The following SUPV3L1 variants were observed in gnomAD, a reference collection of about 807,000 sequenced individuals.
SUPV3L1 encodes Suv3 like RNA helicase.
In SUPV3L1, 35 loss-of-function variants were observed where a neutral mutation model predicts 70.0. The ratio of observed to expected loss-of-function variants is 0.50; its 90% confidence interval spans 0.38 to 0.66. SUPV3L1 has a LOEUF of 0.66. SUPV3L1 is among the 30% of genes least tolerant of loss of function. The pLI, the probability that SUPV3L1 is intolerant of heterozygous loss-of-function variation, is 0.00. For synonymous variants in SUPV3L1, 364 were observed against 341.9 expected (o/e 1.06, Z -0.71); for missense variants, 777 against 961.5 (o/e 0.81, Z 2.54).
chr10:69,205,731 C>T (rs1351650322), intron 13 of SUPV3L1, among the ~76,000 whole-genome samples: 2 of 152,204 alleles, frequency 1.3e-5, no homozygotes, highest in African/African-American at 2.4e-5. Context: ...GATGGGGTTT[C>T]ACCATGTTGG....
In SUPV3L1 at chr10:69,188,688, G is replaced by A. The variant is rs781763036; in HGVS notation, c.573-579G>A. 3.3e-5 allele frequency among the ~76,000 whole-genome samples: 5 copies of A among 151,990 alleles called. No individual in the cohort carries two copies. In the South Asian group the frequency reaches 1.0e-3, roughly 32 times the overall value. Reference sequence around the variant, plus strand: ...TAATTTTTGTATTTTTAATAGATACGGGGGCTCACCATGTTGGCCAGGCTG... The same window carrying A: ...TAATTTTTGTATTTTTAATAGATACAGGGGCTCACCATGTTGGCCAGGCTG... On this transcript the variant is annotated intron_variant, in intron 4 of 14. Transcript: ENST00000359655.
At chr10:69,180,595 G>C (rs755624757) in intron 1 of SUPV3L1, 33 bp downstream of exon 1, 2 of 1,608,452 alleles carry the variant, frequency 1.2e-6, no homozygotes, top group Non-Finnish European at 1.7e-6. Flanking sequence ...GCGGCAGAGG[G>C]TGGTGTCTGC....
chr10:69,207,535 C>T (rs893422560), intron 13 of SUPV3L1, among the ~76,000 whole-genome samples: 2 of 151,952 alleles, frequency 1.3e-5, no homozygotes, highest in Non-Finnish European at 2.9e-5. Context: ...CAGCTGGTCT[C>T]GAACTCCTGG....
chr10:69,190,944 C>A (rs879767032), intron 5 of SUPV3L1, among the ~76,000 whole-genome samples: 1 of 152,234 alleles, frequency 6.6e-6, no homozygotes, highest in Non-Finnish European at 1.5e-5. Flanking sequence ...TGGTTGATCA[C>A]CCTGATACAG....
At chr10:69,191,578 G>A in intron 5 of SUPV3L1, 77 bp from the exon 6 acceptor site, 1 of 1,232,772 alleles carries the variant, frequency 8.1e-7, no homozygotes, top group Non-Finnish European at 1.2e-6. Flanking sequence ...TGGTAGTGGA[G>A]AGAACACCCT....
Position 69,184,492 on chromosome 10 carries a change from G to A in SUPV3L1, c.272-1495G>A, listed in dbSNP as rs181207946. ...GGAGGTTGCAGTGAGCTGAGATCGC[G>A]CCATTGCCCTCCAGCCTGGGCAACA... On this transcript the variant is annotated intron_variant, in intron 1 of 14. Coordinates refer to ENST00000359655, the MANE Select transcript of SUPV3L1 (RefSeq NM_003171.5). 1.2e-3 allele frequency among the ~76,000 whole-genome samples: 190 copies of A among 152,220 alleles called. No homozygotes were observed. In the Middle Eastern group the frequency reaches 0.014, roughly 11 times the overall value.
At chr10:69,208,012 T>G in intron 14 of SUPV3L1, 71 bp downstream of exon 14, 1 of 1,555,466 alleles carries the variant, frequency 6.4e-7, no homozygotes, top group Non-Finnish European at 8.7e-7. Context: ...TGAATTTGTT[T>G]TTCTATTTCA....
intron 10 of SUPV3L1, 64 bp from the exon 11 acceptor site, chr10:69,200,216 C>A: frequency 3.0e-6 from 4 of 1,355,260 alleles, no homozygotes; most frequent in Admixed American, 1.9e-5. Flanking sequence ...GAGCATTATG[C>A]AATGACCCAA....
At chr10:69,183,029 G>C (rs1842109974) in intron 1 of SUPV3L1, among the ~76,000 whole-genome samples, 1 of 152,000 alleles carries the variant, frequency 6.6e-6, no homozygotes, top group South Asian at 2.1e-4. Flanking sequence ...ATATCTCGCT[G>C]CCTACCAGGT....
chr10:69,197,633 A>G (rs1343385534), intron 8 of SUPV3L1, among the ~76,000 whole-genome samples: 1 of 152,104 alleles, frequency 6.6e-6, no homozygotes, highest in Non-Finnish European at 1.5e-5. Context: ...GCTGTGGTGC[A>G]ATCACAACTC....
chr10:69,195,550 T>G (rs1196481013), intron 7 of SUPV3L1, among the ~76,000 whole-genome samples: 1 of 152,206 alleles, frequency 6.6e-6, no homozygotes, highest in Non-Finnish European at 1.5e-5. Flanking sequence ...CATGCTAGTC[T>G]TTTCTTTTTT....
chr10:69,202,351 G>T (rs1440061953), intron 11 of SUPV3L1, 88 bp from the exon 12 acceptor site: 2 of 1,080,588 alleles, frequency 1.9e-6, no homozygotes, highest in East Asian at 2.5e-5. Context: ...TAGCCTGAAT[G>T]GGACTTTATC....
At chr10:69,182,517 C>T in intron 1 of SUPV3L1, 6 of 985,158 alleles carry the variant, frequency 6.1e-6, no homozygotes, top group Non-Finnish European at 7.2e-6. Flanking sequence ...TTATTTTCTG[C>T]AGCTATTCCA....
In SUPV3L1 at chr10:69,202,393, G is replaced by T. The variant is rs7902214; in HGVS notation, c.1519-46G>T. 12,091 of 1,156,374 alleles carry T rather than the reference G, an allele frequency of 0.01. 757 individuals are homozygous for T. In the African/African-American group the frequency reaches 0.16, roughly 16 times the overall value. The allele number at this position is 1,156,374 out of a possible 1,614,324, so 71.6% of individuals were successfully genotyped here. ...TAACTTAAGAAAATTTGTCCTTTTT[G>T]AAAAAAAAAAAATCAGCTTATGATT... On this transcript the variant is annotated intron_variant, in intron 11 of 14. Transcript: ENST00000359655.
chr10:69,207,194 A>G (rs1842852004), intron 13 of SUPV3L1, among the ~76,000 whole-genome samples: 1 of 151,986 alleles, frequency 6.6e-6, no homozygotes, highest in African/African-American at 2.4e-5. Context: ...TAGTCCTTCT[A>G]CAGCTTCTTT....
intron 1 of SUPV3L1, among the ~76,000 whole-genome samples, chr10:69,181,172 C>T (rs965445992): frequency 6.6e-6 from 1 of 152,178 alleles, no homozygotes; most frequent in African/African-American, 2.4e-5. Flanking sequence ...GAGGTAGCAT[C>T]AGTTAGTGGC....
At chr10:69,184,616 TACACACACAC>T (rs59328806) in intron 1 of SUPV3L1, among the ~76,000 whole-genome samples, 17 of 146,160 alleles carry the variant, frequency 1.2e-4, no homozygotes, top group South Asian at 2.2e-4. Context: ...GAAATATAAA[TACACACACAC>T]ACACACACAC....
intron 14 of SUPV3L1, 142 bp downstream of exon 14, chr10:69,208,083 A>C: frequency 9.2e-7 from 1 of 1,083,696 alleles, no homozygotes; most frequent in Non-Finnish European, 1.3e-6. Flanking sequence ...AGGCAATTCA[A>C]CTGATGGAAT....
chr10:69,195,782 G>A (rs886878633), intron 7 of SUPV3L1, among the ~76,000 whole-genome samples: 2 of 152,066 alleles, frequency 1.3e-5, no homozygotes, highest in Non-Finnish European at 2.9e-5. Context: ...TTGCTCTGAT[G>A]CCCAGGTTGG....
Sources: gnomAD v4.1 joint callset for allele counts (sites outside exome capture counted in the v4.1 genomes callset) on GRCh38, gnomAD v4.1.1 for gene constraint, MANE v1.5 for transcripts, NCBI Gene and HGNC (gene_info 2026-07-23, HGNC 2026-07-21) for gene names.